The following FAM185A variants were observed in gnomAD, a reference collection of about 807,000 sequenced individuals.
FAM185A encodes the protein family with sequence similarity 185 member A, also known as protein FAM185A.
In FAM185A, 21 loss-of-function variants were observed where a neutral mutation model predicts 45.7. That is an observed-to-expected ratio of 0.46 (90% CI 0.33 to 0.66). The LOEUF (loss-of-function observed/expected upper bound fraction) is 0.66, where lower values mean the gene tolerates loss of function less well. Among genes scored for constraint, FAM185A ranks in the 30% least tolerant of loss-of-function variants. The pLI is 0.03. For missense variants in FAM185A, 305 were observed against 485.4 expected (o/e 0.63, Z 3.49); for synonymous variants, 117 against 194.0 (o/e 0.60, Z 3.30).
At chr7:102,839,689 G>A in the FAM185A span, among the ~76,000 whole-genome samples, 85 of 152,182 alleles carry the variant, frequency 5.6e-4, no homozygotes, top group African/African-American at 1.9e-3. Context: ...TCAGGGATCC[G>A]CCTGCCTCAG....
intron 7 of FAM185A, among the ~76,000 whole-genome samples, chr7:102,793,409 A>G (rs1796255932): frequency 6.6e-6 from 1 of 151,904 alleles, no homozygotes; most frequent in Non-Finnish European, 1.5e-5. Context: ...ACAGGGTTTC[A>G]CCATATTGGC....
the FAM185A span, among the ~76,000 whole-genome samples, chr7:102,835,729 C>T: frequency 7.1e-6 from 1 of 141,130 alleles, no homozygotes. Flanking sequence ...CCTGCCTCAG[C>T]CTCCCAAGTA....
chr7:102,766,422 G>A (rs1794399622), intron 4 of FAM185A, among the ~76,000 whole-genome samples: 1 of 152,116 alleles, frequency 6.6e-6, no homozygotes, highest in East Asian at 1.9e-4. Flanking sequence ...TTTTCCTTTA[G>A]TAACTACTTT....
intron 2 of FAM185A, among the ~76,000 whole-genome samples, chr7:102,754,436 C>T (rs1381316146): frequency 6.6e-6 from 1 of 152,276 alleles, no homozygotes; most frequent in Non-Finnish European, 1.5e-5. Context: ...CCACCTTGGC[C>T]TCCCAAAGTT....
chr7:102,793,580 G>T (rs1286986358), intron 7 of FAM185A, among the ~76,000 whole-genome samples: 4 of 151,920 alleles, frequency 2.6e-5, no homozygotes, highest in Admixed American at 2.6e-4. Context: ...TGGGTAATCA[G>T]ATGTCAATGT....
At chr7:102,757,322 G>T (rs1037597703) in intron 2 of FAM185A, among the ~76,000 whole-genome samples, 4 of 152,058 alleles carry the variant, frequency 2.6e-5, no homozygotes, top group Non-Finnish European at 4.4e-5. Context: ...GTTTTTTTCT[G>T]TGTCACCCTG....
chr7:102,756,092 A>G (rs1325539998), intron 2 of FAM185A, among the ~76,000 whole-genome samples: 1 of 152,070 alleles, frequency 6.6e-6, no homozygotes, highest in African/African-American at 2.4e-5. Flanking sequence ...GTCTCTGGGC[A>G]TAACGTAGTT....
At chr7:102,793,489 G>A (rs1040939376) in intron 7 of FAM185A, among the ~76,000 whole-genome samples, 9 of 152,152 alleles carry the variant, frequency 5.9e-5, no homozygotes, top group Non-Finnish European at 4.4e-5. Context: ...GATTACAGGC[G>A]TGAGCCACTG....
At chr7:102,825,511 A>C in the FAM185A span, among the ~76,000 whole-genome samples, 2,476 of 152,272 alleles carry the variant, frequency 0.016, 60 homozygotes, top group African/African-American at 0.057. Context: ...AATATTACTA[A>C]ATTTTGTTCT....
chr7:102,800,311 G>A (rs973709318), intron 7 of FAM185A, among the ~76,000 whole-genome samples: 4 of 152,182 alleles, frequency 2.6e-5, no homozygotes, highest in Admixed American at 6.5e-5. Flanking sequence ...AGAAAACTGT[G>A]TTGGTTTTCT....
rs547606527 is a variant in FAM185A at position 102,793,181 on chromosome 7, G to A, written c.1066+5712G>A. On this transcript the variant is annotated intron_variant, in intron 7 of 7. Transcript: ENST00000413034. ...GAGTTAATGTAGGAACTGTTTTCACGTCATAGTGCTTTTATGGTGTTTTTT... is the reference window on the plus strand; with the variant it reads ...GAGTTAATGTAGGAACTGTTTTCACATCATAGTGCTTTTATGGTGTTTTTT... Among the ~76,000 whole-genome samples the A allele has an allele frequency of 2.1e-4, 32 of 149,186 alleles. 1 individual carries two copies. In the South Asian group the frequency reaches 6.2e-3, roughly 29 times the overall value.
At chr7:102,786,758 A>G (rs1795825532) in intron 6 of FAM185A, among the ~76,000 whole-genome samples, 1 of 152,064 alleles carries the variant, frequency 6.6e-6, no homozygotes, top group African/African-American at 2.4e-5. Flanking sequence ...CAGCACACCA[A>G]CATGGCACAT....
chr7:102,828,837 G>A, the FAM185A span, among the ~76,000 whole-genome samples: 1 of 152,154 alleles, frequency 6.6e-6, no homozygotes, highest in Non-Finnish European at 1.5e-5. Flanking sequence ...GGCCTTAGGG[G>A]AGAGCAGCCA....
At chr7:102,782,533 T>C (rs1795476563) in intron 6 of FAM185A, among the ~76,000 whole-genome samples, 1 of 152,200 alleles carries the variant, frequency 6.6e-6, no homozygotes, top group African/African-American at 2.4e-5. Flanking sequence ...ACCCAGAATT[T>C]CATATCCAGC....
chr7:102,843,312 G>T, the FAM185A span, among the ~76,000 whole-genome samples: 2 of 151,916 alleles, frequency 1.3e-5, no homozygotes, highest in Non-Finnish European at 2.9e-5. Context: ...GCGTGGTGGC[G>T]CATGCCTGTA....
At chr7:102,770,348 TA>T (rs1445609599) in intron 4 of FAM185A, among the ~76,000 whole-genome samples, 3 of 146,582 alleles carry the variant, frequency 2.0e-5, no homozygotes, top group Non-Finnish European at 4.5e-5. Context: ...CATTGGGATC[TA>T]ATTAAATGAA....
chr7:102,823,951 A>T, the FAM185A span, among the ~76,000 whole-genome samples: 14 of 152,340 alleles, frequency 9.2e-5, no homozygotes, highest in African/African-American at 3.4e-4. Context: ...TGTCATTGAT[A>T]AAAGAAAAAA....
rs559416259 is a variant in FAM185A, at chr7:102,808,802, G to T, written c.*400G>T. 5.8e-6 allele frequency: 1 copy of T among 172,596 alleles called. No individual in the cohort carries two copies. The highest frequency in any genetic ancestry group is 5.8e-5 in the Admixed American group (1 of 17,342). 10.7% of individuals were successfully genotyped at this position (172,596 alleles called of 1,614,324 possible). ...GGATGACTGAGGTCTCCATTTTCTT[G>T]CTGGCTGTCAGCCAGCAATCACTCT... On this transcript the variant is annotated 3_prime_UTR_variant, in exon 8 of 8. Transcript: ENST00000413034.
At chr7:102,805,383 A>G (rs75387186) in intron 7 of FAM185A, among the ~76,000 whole-genome samples, 30,016 of 152,118 alleles carry the variant, frequency 0.2, 3,543 homozygotes, top group East Asian at 0.6. Context: ...ATTCACAGTG[A>G]CCTGAATGAG....
Sources: gnomAD v4.1 joint callset for allele counts (sites outside exome capture counted in the v4.1 genomes callset) on GRCh38, gnomAD v4.1.1 for gene constraint, MANE v1.5 for transcripts, NCBI Gene and HGNC (gene_info 2026-07-23, HGNC 2026-07-21) for gene names.